Variants in BRINP3 observed in about 807,000 individuals in gnomAD.
BRINP3 encodes BMP/retinoic acid inducible neural specific 3, also known as BMP/retinoic acid-inducible neural-specific protein 3.
A neutral mutation model predicts 71.0 loss-of-function variants in BRINP3; 19 were observed. That is an observed-to-expected ratio of 0.27 (90% CI 0.19 to 0.39). The LOEUF is 0.39. BRINP3 is among the 10% of genes least tolerant of loss of function. The pLI, the probability that BRINP3 is intolerant of heterozygous loss-of-function variation, is 1.00. For synonymous variants in BRINP3, 380 were observed against 337.7 expected (o/e 1.13, Z -1.37); for missense variants, 959 against 940.8 (o/e 1.02, Z -0.25).
At chr1:190,179,957 G>A (rs1652883517) in intron 6 of BRINP3, among the ~76,000 whole-genome samples, 1 of 152,064 alleles carries the variant, frequency 6.6e-6, no homozygotes, top group African/African-American at 2.4e-5. Flanking sequence ...TGTTGGGTTT[G>A]TACTACTCAT....
intron 1 of BRINP3, among the ~76,000 whole-genome samples, chr1:190,476,378 A>T (rs1476952440): frequency 6.6e-6 from 1 of 152,170 alleles, no homozygotes; most frequent in Non-Finnish European, 1.5e-5. Context: ...GGATGTTCAG[A>T]GAAAACCCTC....
intron 6 of BRINP3, among the ~76,000 whole-genome samples, chr1:190,165,595 C>G (rs1280919662): frequency 6.6e-6 from 1 of 150,944 alleles, no homozygotes; most frequent in Non-Finnish European, 1.5e-5. Flanking sequence ...TGTTATTGCT[C>G]AACCAGAACA....
intron 2 of BRINP3, among the ~76,000 whole-genome samples, chr1:190,301,210 T>TATATACACACACAC: frequency 9.3e-6 from 1 of 107,820 alleles, no homozygotes; most frequent in Middle Eastern, 6.0e-3. Context: ...CATACATATA[T>TATATACACACACAC]ATATATATAT....
At chr1:190,136,558 T>C (rs1353078928) in intron 7 of BRINP3, among the ~76,000 whole-genome samples, 1 of 152,148 alleles carries the variant, frequency 6.6e-6, no homozygotes, top group African/African-American at 2.4e-5. Context: ...TTGTCCAAAT[T>C]TTTAACTTAA....
chr1:190,362,557 T>C (rs1490427559), intron 2 of BRINP3, among the ~76,000 whole-genome samples: 3 of 152,206 alleles, frequency 2.0e-5, no homozygotes, highest in East Asian at 1.9e-4. Context: ...AGATGGCCTC[T>C]AATGTGGTTT....
intron 6 of BRINP3, among the ~76,000 whole-genome samples, chr1:190,213,331 C>T (rs892394301): frequency 2.6e-5 from 4 of 152,048 alleles, no homozygotes; most frequent in African/African-American, 9.7e-5. Context: ...CAATACACAA[C>T]AGACAAGTGA....
rs142320769 is a variant in BRINP3 at position 190,181,661 on chromosome 1, C to A, written c.962-20771G>T. Among the ~76,000 whole-genome samples the A allele has an allele frequency of 2.5e-3, 386 of 152,028 alleles. 1 individual carries two copies. Among genetic ancestry groups the A allele is most frequent in the African/African-American group, 9.0e-3 (373 of 41,538 alleles). ...TGAATAAATTGTAGAAAACTTACCT[C>A]CCCTTTAAGTTCCTTTACTCTCATT... On this transcript the variant is annotated intron_variant, in intron 6 of 7. Coordinates refer to ENST00000367462, the MANE Select transcript of BRINP3 (RefSeq NM_199051.3).
chr1:190,205,422 T>C (rs1655410506), intron 6 of BRINP3, among the ~76,000 whole-genome samples: 2 of 152,074 alleles, frequency 1.3e-5, no homozygotes, highest in African/African-American at 4.8e-5. Flanking sequence ...ATCCATGTAC[T>C]ATAGAGGATG....
At chr1:190,286,452 A>G (rs958632220) in intron 2 of BRINP3, among the ~76,000 whole-genome samples, 4 of 152,166 alleles carry the variant, frequency 2.6e-5, no homozygotes, top group African/African-American at 9.7e-5. Context: ...TTAAAAGTAC[A>G]CACATATGTT....
chr1:190,447,620 C>A (rs12049541), intron 2 of BRINP3, among the ~76,000 whole-genome samples: 49,572 of 145,514 alleles, frequency 0.34, 8,474 homozygotes, highest in African/African-American at 0.37. Context: ...CTCTCTCTCT[C>A]TCTATATATA....
Position 190,357,838 on chromosome 1 carries a change from C to A in BRINP3, c.237-76088G>T, listed in dbSNP as rs570295935. The stretch of plus-strand genomic sequence containing the variant: ...TGTAGACCAATGGAATAGAACAGAG[C>A]CCTCAGAAATAATACCACACATCTA... On this transcript the variant is annotated intron_variant, in intron 2 of 7. Transcript: ENST00000367462. Among the ~76,000 whole-genome samples the A allele has an allele frequency of 1.1e-4, 17 of 151,876 alleles. No homozygotes were observed. In the South Asian group the frequency reaches 3.3e-3, roughly 30 times the overall value.
At chr1:190,305,130 G>A (rs1006264362) in intron 2 of BRINP3, among the ~76,000 whole-genome samples, 11 of 152,038 alleles carry the variant, frequency 7.2e-5, no homozygotes, top group African/African-American at 2.4e-4. Context: ...AAGTAAAGAT[G>A]TGGTGAAAAG....
At chr1:190,445,444 A>G (rs1298655604) in intron 2 of BRINP3, among the ~76,000 whole-genome samples, 2 of 152,198 alleles carry the variant, frequency 1.3e-5, no homozygotes, top group Non-Finnish European at 2.9e-5. Context: ...AGCAGAAAGG[A>G]CATAATGAAT....
At chr1:190,137,438 T>TAA (rs200761331) in intron 7 of BRINP3, among the ~76,000 whole-genome samples, 7 of 126,932 alleles carry the variant, frequency 5.5e-5, no homozygotes, top group Non-Finnish European at 6.8e-5. Flanking sequence ...AACCAAAGTT[T>TAA]AAAAAAAAAA....
chr1:190,142,973 T>A (rs1161156443), intron 7 of BRINP3, among the ~76,000 whole-genome samples: 2 of 152,128 alleles, frequency 1.3e-5, no homozygotes, highest in Non-Finnish European at 2.9e-5. Context: ...ATATTAGAAT[T>A]TTGGCTTGAG....
intron 7 of BRINP3, among the ~76,000 whole-genome samples, chr1:190,135,741 A>G (rs1654916689): frequency 6.6e-6 from 1 of 152,116 alleles, no homozygotes; most frequent in East Asian, 1.9e-4. Flanking sequence ...TTATAAATTA[A>G]TAAATAATTA....
intron 2 of BRINP3, among the ~76,000 whole-genome samples, chr1:190,332,988 G>GA (rs962412639): frequency 1.7e-4 from 26 of 149,890 alleles, no homozygotes; most frequent in East Asian, 9.8e-4. Flanking sequence ...TTAGAATTGT[G>GA]AAAAAAAAAT....
intron 1 of BRINP3, among the ~76,000 whole-genome samples, chr1:190,463,512 C>T (rs557870459): frequency 7.6e-4 from 116 of 151,756 alleles, no homozygotes; most frequent in Non-Finnish European, 1.4e-3. Flanking sequence ...AGACATTGCT[C>T]TTTTAGGACA....
chr1:190,106,988 T>C (rs1040546253), intron 7 of BRINP3, among the ~76,000 whole-genome samples: 40 of 151,914 alleles, frequency 2.6e-4, no homozygotes, highest in Admixed American at 5.9e-4. Context: ...ACTCACTACT[T>C]ACTCTCTTTT....
Sources: allele counts gnomAD v4.1 joint callset (sites outside exome capture counted in the v4.1 genomes callset), GRCh38; gene constraint gnomAD v4.1.1; transcripts MANE v1.5; gene names NCBI Gene and HGNC (gene_info 2026-07-23, HGNC 2026-07-21).